Variants in ACTL8 observed in about 807,000 individuals in gnomAD.
ACTL8 encodes actin like 8.
ACTL8 carries 3 observed loss-of-function variants against 9.3 expected under a neutral mutation model. The ratio of observed to expected loss-of-function variants is 0.32; its 90% CI spans 0.15 to 0.83. The LOEUF is 0.83. Among genes scored for constraint, ACTL8 ranks in the 40% least tolerant of loss-of-function variants. ACTL8 has a pLI of 0.57. For synonymous variants in ACTL8, 224 were observed against 205.9 expected (o/e 1.09, Z -0.75); for missense variants, 381 against 492.2 (o/e 0.77, Z 2.14).
Position 17,823,644 on chromosome 1 carries a change from G to T in ACTL8, c.348+288G>T, listed in dbSNP as rs966446729. Among the ~76,000 whole-genome samples the T allele has an allele frequency of 2.0e-5, 3 of 152,068 alleles. No individual in the cohort carries two copies. Among genetic ancestry groups the T allele is most frequent in the South Asian group, 2.1e-4 (1 of 4,824 alleles). On this transcript the variant is annotated intron_variant, in intron 2 of 2. Transcript: ENST00000375406. The surrounding 1 kb of genome is among the most constrained non-coding windows in gnomAD (Gnocchi z 5.3). ...CTGGGAGGCTGAGGTGGGAGGATCA[G>T]TTGAGCCCGGGAGGTCGAGAATAGA...
intron 1 of ACTL8, among the ~76,000 whole-genome samples, chr1:17,778,669 C>T (rs967027029): frequency 2.1e-4 from 32 of 152,248 alleles, no homozygotes; most frequent in African/African-American, 6.0e-4. Flanking sequence ...TTCCCTACTC[C>T]GGGCCTATCT....
intron 1 of ACTL8, among the ~76,000 whole-genome samples, chr1:17,772,367 G>A (rs1235924466): frequency 2.0e-5 from 3 of 152,098 alleles, no homozygotes; most frequent in Admixed American, 6.5e-5. Flanking sequence ...GCTGTTACTC[G>A]GCACTTCAGG....
chr1:17,786,626 G>A (rs1224218981), intron 1 of ACTL8, among the ~76,000 whole-genome samples: 1 of 152,202 alleles, frequency 6.6e-6, no homozygotes, highest in East Asian at 1.9e-4. Context: ...AAAAGGGATA[G>A]AGGAGAGAGG....
chr1:17,782,335 G>A (rs140631650), intron 1 of ACTL8, among the ~76,000 whole-genome samples: 17 of 152,268 alleles, frequency 1.1e-4, no homozygotes, highest in African/African-American at 2.2e-4. Flanking sequence ...GAATACGGGC[G>A]AAAGTGCTCT....
chr1:17,762,639 C>T lies in ACTL8; in HGVS notation c.-25+7135C>T, dbSNP rs892826007. Among the ~76,000 whole-genome samples the T allele has an allele frequency of 3.3e-5, 5 of 152,168 alleles. No individual in the cohort carries two copies. In the East Asian group the frequency reaches 9.7e-4, roughly 29 times the overall value. ...GTCTGGAGCCCCTGGTCCCCGATATCGAACCCCAGGGGGTTGGGCTGCAGG... is the reference window on the plus strand; with the variant it reads ...GTCTGGAGCCCCTGGTCCCCGATATTGAACCCCAGGGGGTTGGGCTGCAGG... On this transcript the variant is annotated intron_variant, in intron 1 of 2. Transcript: ENST00000375406.
intron 1 of ACTL8, among the ~76,000 whole-genome samples, chr1:17,804,555 C>T (rs1189616798): frequency 6.6e-6 from 1 of 151,944 alleles, no homozygotes; most frequent in Non-Finnish European, 1.5e-5. Flanking sequence ...CTGCCCCTGA[C>T]CATTGCAGCC....
chr1:17,812,353 C>A (rs1055790760), intron 1 of ACTL8, among the ~76,000 whole-genome samples: 11 of 151,616 alleles, frequency 7.3e-5, no homozygotes, highest in African/African-American at 2.7e-4. Flanking sequence ...ATCTATAAAG[C>A]AGCTTAGGTA....
At chr1:17,796,505 G>T (rs1359753202) in intron 1 of ACTL8, among the ~76,000 whole-genome samples, 1 of 152,266 alleles carries the variant, frequency 6.6e-6, no homozygotes, top group East Asian at 1.9e-4. Context: ...ACTGAGGCTC[G>T]CATGGGAGAA....
chr1:17,820,469 G>C (rs746064071), intron 1 of ACTL8, among the ~76,000 whole-genome samples: 1 of 152,054 alleles, frequency 6.6e-6, no homozygotes, highest in African/African-American at 2.4e-5. Flanking sequence ...GCTACTATAC[G>C]TATGTGCATA....
At chr1:17,770,833 C>T (rs1412138324) in intron 1 of ACTL8, among the ~76,000 whole-genome samples, 3 of 152,116 alleles carry the variant, frequency 2.0e-5, no homozygotes, top group Non-Finnish European at 2.9e-5. Flanking sequence ...GTGCTGATAG[C>T]AGTTGTCAGT....
chr1:17,825,352 C>T (rs485291), intron 2 of ACTL8, among the ~76,000 whole-genome samples: 68,885 of 151,362 alleles, frequency 0.46, 16,495 homozygotes, highest in East Asian at 0.68. Context: ...CTGTCTTTTC[C>T]AGTCTTCCTC....
intron 1 of ACTL8, among the ~76,000 whole-genome samples, chr1:17,774,020 GTTGGCCTGAGT>G (rs2066100647): frequency 6.6e-6 from 1 of 152,166 alleles, no homozygotes. Flanking sequence ...TGGTGCAGGG[GTTGGCCTGAGT>G]TCACCTTAGC....
intron 1 of ACTL8, among the ~76,000 whole-genome samples, chr1:17,786,941 A>G (rs550903478): frequency 5.9e-5 from 9 of 152,212 alleles, no homozygotes; most frequent in Admixed American, 2.6e-4. Context: ...GCCTCAAGCA[A>G]TCCTCCCACC....
At chr1:17,814,229 G>A (rs1188329707) in intron 1 of ACTL8, among the ~76,000 whole-genome samples, 1 of 152,160 alleles carries the variant, frequency 6.6e-6, no homozygotes, top group Non-Finnish European at 1.5e-5. Flanking sequence ...GGATATGGTG[G>A]CTCATGCCTG....
chr1:17,821,383 T>C (rs564138150), intron 1 of ACTL8, among the ~76,000 whole-genome samples: 18 of 152,372 alleles, frequency 1.2e-4, no homozygotes, highest in South Asian at 4.1e-4. Context: ...TTTAGAAGTC[T>C]TATGGTTTCA....
Position 17,819,005 on chromosome 1 carries a change from C to T in ACTL8, c.-24-3980C>T, listed in dbSNP as rs1344095031. On this transcript the variant is annotated intron_variant, in intron 1 of 2. Transcript: ENST00000375406. The stretch of plus-strand genomic sequence containing the variant: ...TCAAAGCTGGCTCCTTGGACCCATC[C>T]AAACTTTCTTTTACAGTCATGTGCC... 2.0e-5 allele frequency among the ~76,000 whole-genome samples: 3 copies of T among 152,212 alleles called. No homozygotes were observed. In the East Asian group the frequency reaches 5.8e-4, roughly 29 times the overall value.
intron 1 of ACTL8, among the ~76,000 whole-genome samples, chr1:17,808,479 G>A (rs1183188732): frequency 1.3e-5 from 2 of 152,202 alleles, no homozygotes; most frequent in Non-Finnish European, 2.9e-5. Flanking sequence ...CCACAGGTAC[G>A]GATTTGAATC....
At chr1:17,795,229 A>C (rs1440892619) in intron 1 of ACTL8, among the ~76,000 whole-genome samples, 1 of 152,132 alleles carries the variant, frequency 6.6e-6, no homozygotes, top group Non-Finnish European at 1.5e-5. Context: ...TTCAGAAGGG[A>C]GGGCAAAGCA....
At chr1:17,799,769 C>T (rs2066306867) in intron 1 of ACTL8, among the ~76,000 whole-genome samples, 1 of 152,150 alleles carries the variant, frequency 6.6e-6, no homozygotes, top group Non-Finnish European at 1.5e-5. Flanking sequence ...GTCCTGTGTT[C>T]TCTGTCTGAT....
Sources: gnomAD v4.1 joint callset for allele counts (sites outside exome capture counted in the v4.1 genomes callset) on GRCh38, gnomAD v4.1.1 for gene constraint, Gnocchi (gnomAD v3.1) non-coding constraint, MANE v1.5 for transcripts, NCBI Gene and HGNC (gene_info 2026-07-23, HGNC 2026-07-21) for gene names.